Variants in ATP6V1E2 observed in about 807,000 individuals in gnomAD.
ATP6V1E2 encodes the protein V-type proton ATPase subunit E 2.
For synonymous variants in ATP6V1E2, 121 were observed against 104.2 expected (o/e 1.16, Z -0.98); for missense variants, 308 against 273.3 (o/e 1.13, Z -0.90).
intron 4 of ATP6V1E2, among the ~76,000 whole-genome samples, chr2:46,513,467 T>C (rs907890628): frequency 2.0e-5 from 3 of 152,226 alleles, no homozygotes; most frequent in African/African-American, 7.2e-5. Context: ...AGTTCTCTGT[T>C]TCTTTACTGA....
intron 4 of ATP6V1E2, among the ~76,000 whole-genome samples, chr2:46,521,193 T>C (rs1399252924): frequency 6.6e-6 from 1 of 152,218 alleles, no homozygotes; most frequent in Non-Finnish European, 1.5e-5. Context: ...ATTATGGCCA[T>C]GGGCTACCAT....
intron 4 of ATP6V1E2, among the ~76,000 whole-genome samples, chr2:46,515,165 T>C (rs1687657907): frequency 6.6e-6 from 1 of 152,186 alleles, no homozygotes; most frequent in Non-Finnish European, 1.5e-5. Flanking sequence ...AGAAGGCCAC[T>C]AGACAGCATA....
At chr2:46,523,583 G>A (rs1418245082) in intron 4 of ATP6V1E2, among the ~76,000 whole-genome samples, 1 of 151,970 alleles carries the variant, frequency 6.6e-6, no homozygotes, top group Non-Finnish European at 1.5e-5. Flanking sequence ...CTGCTCCATT[G>A]GCCTATATGT....
rs1052630592 is a variant in ATP6V1E2, at chr2:46,530,046, G to A, written c.-102+5767C>T. Among the ~76,000 whole-genome samples the A allele has an allele frequency of 9.2e-5, 14 of 152,270 alleles. No individual in the cohort carries two copies. The highest frequency in any genetic ancestry group is 6.2e-4 in the South Asian group (3 of 4,818). ...CTGTTACATTGTTGCAAAGGGGGTT[G>A]AAGGATATCCCTGACTGTAAGGCAT... On this transcript the variant is annotated intron_variant, in intron 4 of 4. Coordinates refer to ENST00000522587, the MANE Select transcript of ATP6V1E2 (RefSeq NM_001318063.2). The surrounding 1 kb of genome is among the most constrained non-coding windows in gnomAD (Gnocchi z 5.2).
chr2:46,512,132 T>A lies in ATP6V1E2; in HGVS notation c.580A>T (p.Asn194Tyr). ...YSGNQRIKVS[N>Y]TLESRLDLSA... ...AGATCCAGTCGGCTTTCCAAGGTATTTGAAACCTTTATTCTCTGATTGCCA... is the reference window on the plus strand; with the variant it reads ...AGATCCAGTCGGCTTTCCAAGGTATATGAAACCTTTATTCTCTGATTGCCA... Residue 194 changes from asparagine to tyrosine, a missense_variant, in exon 5 of 5, where the codon AAT becomes TAT. Asn to Tyr is a moderately radical substitution (Grantham distance 143). Coordinates refer to ENST00000522587, the MANE Select transcript of ATP6V1E2 (RefSeq NM_001318063.2). 6.2e-7 allele frequency: 1 copy of A among 1,614,198 alleles called. No homozygotes were observed. Among genetic ancestry groups the A allele is most frequent in the Non-Finnish European group, 8.5e-7 (1 of 1,180,032 alleles).
intron 4 of ATP6V1E2, among the ~76,000 whole-genome samples, chr2:46,515,947 T>C: frequency 6.6e-6 from 1 of 152,146 alleles, no homozygotes; most frequent in East Asian, 1.9e-4. Context: ...CATTATATAA[T>C]GATAAAAGAG....
intron 2 of ATP6V1E2, among the ~76,000 whole-genome samples, chr2:46,539,478 C>A (rs989045001): frequency 1.3e-5 from 2 of 152,242 alleles, no homozygotes. Flanking sequence ...GAGCTGGGAC[C>A]ATGCCTTTGT....
chr2:46,525,799 T>C (rs1416725890), intron 4 of ATP6V1E2, among the ~76,000 whole-genome samples: 2 of 151,890 alleles, frequency 1.3e-5, no homozygotes, highest in Non-Finnish European at 2.9e-5. Context: ...TTTCTCCTTC[T>C]AAAACATCTG....
In ATP6V1E2 at chr2:46,512,250, C is replaced by T; in HGVS notation, c.462G>A (p.Glu154=). 6.2e-7 allele frequency: 1 copy of T among 1,613,754 alleles called. No individual in the cohort carries two copies. The highest frequency in any genetic ancestry group is 8.5e-7 in the Non-Finnish European group (1 of 1,179,796). The change falls in exon 5 of 5, where the codon GAG becomes GAA. Residue 154 remains glutamate (E), a synonymous_variant. Coordinates refer to ENST00000522587, the MANE Select transcript of ATP6V1E2 (RefSeq NM_001318063.2). ...VEAAVQKAIP[E]YMTISQKHVE... is the part of the protein sequence containing the mutation. ...CATGTTTCTGGGAAATTGTCATGTA[C>T]TCGGGGATGGCTTTTTGTACAGCAG... is the stretch of plus-strand genomic sequence containing the variant.
rs1667417635 is a variant in ATP6V1E2, at chr2:46,535,844, G to A, written c.-133C>T. ...GAAGATTCTTCAAACCCAAAATGTGGTTCTGATGTCCAGTGGCCAAAACAT... is the reference window on the plus strand; with the variant it reads ...GAAGATTCTTCAAACCCAAAATGTGATTCTGATGTCCAGTGGCCAAAACAT... On this transcript the variant is annotated 5_prime_UTR_variant, in exon 4 of 5. Transcript: ENST00000522587. The surrounding 1 kb of genome is among the most constrained non-coding windows in gnomAD (Gnocchi z 4.4). The A allele has an allele frequency of 6.6e-6, 1 of 152,246 alleles. No homozygotes were observed. Among genetic ancestry groups the A allele is most frequent in the African/African-American group, 2.4e-5 (1 of 41,464 alleles). The allele number at this position is 152,246 out of a possible 1,614,324, so 9.4% of individuals were successfully genotyped here.
At chr2:46,518,490 A>AACACACACAC (rs10546147) in intron 4 of ATP6V1E2, among the ~76,000 whole-genome samples, 2,394 of 140,936 alleles carry the variant, frequency 0.017, 31 homozygotes, top group Middle Eastern at 0.029. Context: ...ACACACACAC[A>AACACACACAC]ACACACACAC....
chr2:46,515,095 G>A lies in ATP6V1E2; in HGVS notation c.-101-2283C>T, dbSNP rs1351185306. 5.3e-5 allele frequency among the ~76,000 whole-genome samples: 8 copies of A among 152,132 alleles called. No homozygotes were observed. In the East Asian group the frequency reaches 1.3e-3, roughly 26 times the overall value. On this transcript the variant is annotated intron_variant, in intron 4 of 4. Transcript: ENST00000522587. ...TGCTAGATAAACAAAAGCTGAGGAA[G>A]TTCATCACCACTAGACCTACCTTAC...
At chr2:46,519,087 A>G (rs1666470752) in intron 4 of ATP6V1E2, 1 of 152,130 alleles carries the variant, frequency 6.6e-6, no homozygotes, top group South Asian at 2.1e-4. Flanking sequence ...GGCAGCTTGA[A>G]TCCAAAGAGC....
chr2:46,540,781 G>C (rs1369798898), intron 2 of ATP6V1E2, among the ~76,000 whole-genome samples: 2 of 152,062 alleles, frequency 1.3e-5, no homozygotes, highest in Non-Finnish European at 2.9e-5. Context: ...TATACACCAA[G>C]TGGGATCAGC....
At position 46,511,902 on chromosome 2, in the gene ATP6V1E2, G is replaced by T; in HGVS notation, c.*129C>A. 1.2e-6 allele frequency: 1 copy of T among 806,302 alleles called. No homozygotes were observed. The highest frequency in any genetic ancestry group is 1.9e-6 in the Non-Finnish European group (1 of 536,362). The allele number at this position is 806,302 out of a possible 1,614,324, so 49.9% of individuals were successfully genotyped here. ...AGTTAACACTTTAGCTATCCAAAGG[G>T]TATTTCGTGAAGAAAAACAGAACAG... is the stretch of plus-strand genomic sequence containing the variant. On this transcript the variant is annotated 3_prime_UTR_variant, in exon 5 of 5. Coordinates refer to ENST00000522587, the MANE Select transcript of ATP6V1E2 (RefSeq NM_001318063.2).
At chr2:46,528,348 G>A (rs1667027959) in intron 4 of ATP6V1E2, among the ~76,000 whole-genome samples, 1 of 152,238 alleles carries the variant, frequency 6.6e-6, no homozygotes, top group Admixed American at 6.5e-5. Context: ...AAGGTCTCAT[G>A]TACCCACTCA....
At chr2:46,523,391 C>A (rs924529111) in intron 4 of ATP6V1E2, among the ~76,000 whole-genome samples, 1 of 152,112 alleles carries the variant, frequency 6.6e-6, no homozygotes, top group South Asian at 2.1e-4. Context: ...AGTCTTTAAT[C>A]CATCTCAAGT....
chr2:46,534,672 G>A (rs907456630), intron 4 of ATP6V1E2: 8 of 152,114 alleles, frequency 5.3e-5, no homozygotes, highest in Non-Finnish European at 8.8e-5. Context: ...CGGTAGTAGC[G>A]GATGAACTTC....
At chr2:46,518,485 C>CAA (rs1558657628) in intron 4 of ATP6V1E2, among the ~76,000 whole-genome samples, 22 of 84,378 alleles carry the variant, frequency 2.6e-4, no homozygotes, top group Admixed American at 2.2e-3. Flanking sequence ...TACACACACA[C>CAA]ACACAACACA....
Sources: allele counts gnomAD v4.1 joint callset (sites outside exome capture counted in the v4.1 genomes callset), GRCh38; gene constraint gnomAD v4.1.1; non-coding constraint Gnocchi (gnomAD v3.1); transcripts MANE v1.5; gene names NCBI Gene and HGNC (gene_info 2026-07-23, HGNC 2026-07-21).